TYW2: variants seen among roughly 807,000 people sequenced by gnomAD.
TYW2 encodes the protein tRNA wybutosine-synthesizing protein 2 homolog.
At chr8:124,451,346 T>C in the TYW2 span, 1 of 1,614,114 alleles carries the variant, frequency 6.2e-7, no homozygotes, top group South Asian at 1.1e-5. Flanking sequence ...CATGGTAATC[T>C]CTTGTTGCTG....
chr8:124,451,486 C>T, the TYW2 span: 8 of 1,614,090 alleles, frequency 5.0e-6, no homozygotes, highest in Non-Finnish European at 6.8e-6. Context: ...TACTCGAACT[C>T]CAGCAGTGAC....
At chr8:124,452,541 T>A in the TYW2 span, 2 of 434,152 alleles carry the variant, frequency 4.6e-6, no homozygotes, top group Non-Finnish European at 8.5e-6. Flanking sequence ...TGACCTCAGT[T>A]CTGGAATTGA....
chr8:124,452,335 C>G, the TYW2 span: 1 of 1,542,980 alleles, frequency 6.5e-7, no homozygotes. Context: ...TGTATCAGTT[C>G]AGTCCAGGTT....
At chr8:124,451,045 C>G in the TYW2 span, 3 of 1,614,162 alleles carry the variant, frequency 1.9e-6, no homozygotes, top group South Asian at 3.3e-5. Flanking sequence ...TCTCCAGAGG[C>G]AGAAACTCTT....
At chr8:124,452,463 C>A in the TYW2 span, 1 of 601,956 alleles carries the variant, frequency 1.7e-6, no homozygotes, top group Non-Finnish European at 2.9e-6. Flanking sequence ...AAATGAAATA[C>A]CTGTTTGGGA....
the TYW2 span, chr8:124,451,017 C>G: frequency 6.2e-7 from 1 of 1,614,072 alleles, no homozygotes; most frequent in Admixed American, 1.7e-5. Context: ...CTTGGTTTAC[C>G]CAGCGATACA....
At chr8:124,452,037 A>T in the TYW2 span, 1 of 1,614,182 alleles carries the variant, frequency 6.2e-7, no homozygotes, top group Admixed American at 1.7e-5. Flanking sequence ...CCACCAACCA[A>T]TGGAAAAATG....
At chr8:124,451,993 GAGAA>G in the TYW2 span, 1 of 1,614,196 alleles carries the variant, frequency 6.2e-7, no homozygotes, top group East Asian at 2.2e-5. Context: ...CAGCAAAGTA[GAGAA>G]AGAGCATTGG....
the TYW2 span, chr8:124,452,331 A>C: frequency 1.9e-6 from 3 of 1,550,414 alleles, no homozygotes; most frequent in Non-Finnish European, 2.6e-6. Flanking sequence ...TAAATGTATC[A>C]GTTCAGTCCA....
chr8:124,452,349 A>G, the TYW2 span: 6 of 1,479,576 alleles, frequency 4.1e-6, no homozygotes, highest in African/African-American at 1.4e-5. Flanking sequence ...CCAGGTTGTC[A>G]TCCCTTTTGT....
the TYW2 span, chr8:124,452,316 G>T: frequency 6.3e-6 from 10 of 1,588,258 alleles, no homozygotes; most frequent in South Asian, 6.9e-5. Flanking sequence ...CGTGCGAGTG[G>T]CCCTTAAATG....
At chr8:124,451,952 T>C in the TYW2 span, 1 of 1,614,188 alleles carries the variant, frequency 6.2e-7, no homozygotes, top group South Asian at 1.1e-5. Context: ...GTGGAATCTT[T>C]CCCAGGGAAG....
the TYW2 span, chr8:124,452,076 G>A: frequency 6.2e-7 from 1 of 1,614,200 alleles, no homozygotes; most frequent in Non-Finnish European, 8.5e-7. Context: ...GGGGAAAAAT[G>A]CTGTCACCAG....
At chr8:124,452,064 T>C in the TYW2 span, 4 of 1,614,198 alleles carry the variant, frequency 2.5e-6, no homozygotes, top group Non-Finnish European at 3.4e-6. Flanking sequence ...CCAGGGATTC[T>C]AGGGGAAAAA....
chr8:124,451,365 C>CT, the TYW2 span: 1 of 1,614,138 alleles, frequency 6.2e-7, no homozygotes, highest in Non-Finnish European at 8.5e-7. Flanking sequence ...TGAGTGAAGA[C>CT]TGTTTCCAAG....
chr8:124,451,405 C>G, the TYW2 span: 41 of 1,614,170 alleles, frequency 2.5e-5, 2 homozygotes, highest in South Asian at 4.1e-4. Context: ...GGGACCGGAA[C>G]TCTGGGAGAC....
At chr8:124,450,974 A>G in the TYW2 span, 2 of 1,614,164 alleles carry the variant, frequency 1.2e-6, no homozygotes, top group South Asian at 2.2e-5. Context: ...GAAAGTGGGA[A>G]GCCCGTGGCT....
the TYW2 span, chr8:124,451,704 C>T: frequency 1.9e-4 from 305 of 1,614,176 alleles, 2 homozygotes; most frequent in South Asian, 3.2e-3. Flanking sequence ...CTGGTGCTGC[C>T]TTCGTCCATG....
At chr8:124,451,330 C>T in the TYW2 span, 1 of 1,614,154 alleles carries the variant, frequency 6.2e-7, no homozygotes, top group South Asian at 1.1e-5. Flanking sequence ...CCGATCATGG[C>T]AACGGCATGG....
Sources: gnomAD v4.1 joint callset for allele counts on GRCh38, gnomAD v4.1.1 for gene constraint, MANE v1.5 for transcripts, NCBI Gene and HGNC (gene_info 2026-07-23, HGNC 2026-07-21) for gene names.